AK2: variants seen among roughly 807,000 people sequenced by gnomAD.
AK2 encodes adenylate kinase 2.
Under a neutral mutation model 24.6 loss-of-function variants are expected in AK2, and 15 were observed. That is an observed-to-expected ratio of 0.61 (90% CI 0.41 to 0.94). The LOEUF is 0.94. AK2 is among the 40% of genes least tolerant of loss of function. AK2 has a pLI of 0.00. For missense variants in AK2, 257 were observed against 304.1 expected (o/e 0.85, Z 1.15); for synonymous variants, 102 against 114.0 (o/e 0.90, Z 0.67).
intron 5 of AK2, chr1:33,014,220 A>C (rs1203644227): frequency 1.9e-5 from 7 of 359,628 alleles, no homozygotes; most frequent in African/African-American, 1.5e-4. Context: ...TGATTAGCTG[A>C]TCACTTAGGT....
intron 1 of AK2, 42 bp from the exon 2 acceptor site, chr1:33,024,609 A>G: frequency 6.2e-7 from 1 of 1,613,494 alleles, no homozygotes; most frequent in Non-Finnish European, 8.5e-7. Context: ...ATTACATTAC[A>G]GGCTGTGGAG....
chr1:33,008,722 G>C lies in AK2; in HGVS notation c.*4459C>G, dbSNP rs1638625593. 4.4e-6 allele frequency: 2 copies of C among 454,004 alleles called. No individual in the cohort carries two copies. The highest frequency in any genetic ancestry group is 8.8e-6 in the Non-Finnish European group (2 of 226,802). The allele number at this position is 454,004 out of a possible 1,614,324, so 28.1% of individuals were successfully genotyped here. ...TGAAGGACAGTTCTGACTCCACAGG[G>C]TGCTGTGTGAGGGTTACGTGAAGTC... is the stretch of plus-strand genomic sequence containing the variant. On this transcript the variant is annotated 3_prime_UTR_variant, in exon 6 of 6. Coordinates refer to ENST00000672715, the MANE Select transcript of AK2 (RefSeq NM_001625.4).
intron 1 of AK2, among the ~76,000 whole-genome samples, chr1:33,027,367 C>T (rs1037227370): frequency 6.6e-6 from 1 of 152,108 alleles, no homozygotes; most frequent in African/African-American, 2.4e-5. Flanking sequence ...TTTATCACTC[C>T]CAAACTGCAG....
rs1172268226 is a variant in AK2 at position 33,011,765 on chromosome 1, G to C, written c.*1416C>G. ...AAAGACAGCAGGGACCTTAGAAAAT[G>C]CTCAATAGTTGGGAAGCTAAGGTTA... On this transcript the variant is annotated 3_prime_UTR_variant, in exon 6 of 6. Coordinates refer to ENST00000672715, the MANE Select transcript of AK2 (RefSeq NM_001625.4). The C allele has an allele frequency of 7.1e-7, 1 of 1,410,306 alleles. No individual in the cohort carries two copies. 87.4% of individuals were successfully genotyped at this position (1,410,306 alleles called of 1,614,324 possible).
chr1:33,036,344 T>C (rs1293702501), intron 1 of AK2, among the ~76,000 whole-genome samples: 1 of 152,192 alleles, frequency 6.6e-6, no homozygotes, highest in African/African-American at 2.4e-5. Context: ...ACCCTGATTC[T>C]GGACAATTCA....
Position 33,010,158 on chromosome 1 carries a change from T to G in AK2, c.*3023A>C, listed in dbSNP as rs780064885. 9 of 454,284 alleles carry G rather than the reference T, an allele frequency of 2.0e-5. No individual in the cohort carries two copies. The East Asian group carries it at 6.2e-4, about 32-fold the overall frequency. 28.1% of individuals were successfully genotyped at this position (454,284 alleles called of 1,614,324 possible). A position where few individuals can be genotyped will look rare whatever the true frequency, so the allele number is the denominator to read the frequency against. ...AAGGCAAGAGCATAGGATTGTGGCA[T>G]GTGCTGGGTAGCTGTGAGAGGTTAC... On this transcript the variant is annotated 3_prime_UTR_variant, in exon 6 of 6. Coordinates refer to ENST00000672715, the MANE Select transcript of AK2 (RefSeq NM_001625.4).
chr1:33,008,212 G>A lies in AK2; in HGVS notation c.*4969C>T. 2.2e-6 allele frequency: 1 copy of A among 454,232 alleles called. No homozygotes were observed. Among genetic ancestry groups the A allele is most frequent in the Non-Finnish European group, 4.4e-6 (1 of 226,954 alleles). 28.1% of individuals were successfully genotyped at this position (454,232 alleles called of 1,614,324 possible). Reference sequence around the variant, plus strand: ...CAGTCCAACCCACATGAGTATCTTGGTCACTAGTGTCATCAGCACCTTTGA... The same window carrying A: ...CAGTCCAACCCACATGAGTATCTTGATCACTAGTGTCATCAGCACCTTTGA... On this transcript the variant is annotated 3_prime_UTR_variant, in exon 6 of 6. Transcript: ENST00000672715.
chr1:33,012,674 A>C lies in AK2; in HGVS notation c.*507T>G, dbSNP rs1433842491. The C allele has an allele frequency of 7.9e-7, 1 of 1,260,472 alleles. No homozygotes were observed. Among genetic ancestry groups the C allele is most frequent in the East Asian group, 5.6e-5 (1 of 17,906 alleles). The allele number at this position is 1,260,472 out of a possible 1,614,324, so 78.1% of individuals were successfully genotyped here. Reference sequence around the variant, plus strand: ...CACTTCAGGAGGCCAAGGTGGGTGGATTGCTTAAGCCTAGGAGTTCAAGAC... The same window carrying C: ...CACTTCAGGAGGCCAAGGTGGGTGGCTTGCTTAAGCCTAGGAGTTCAAGAC... On this transcript the variant is annotated 3_prime_UTR_variant, in exon 6 of 6. Coordinates refer to ENST00000672715, the MANE Select transcript of AK2 (RefSeq NM_001625.4).
At chr1:33,033,546 G>C (rs910050084) in intron 1 of AK2, among the ~76,000 whole-genome samples, 1 of 152,112 alleles carries the variant, frequency 6.6e-6, no homozygotes, top group East Asian at 1.9e-4. Context: ...TATCACATTG[G>C]TAACACAAAA....
intron 1 of AK2, among the ~76,000 whole-genome samples, chr1:33,028,320 A>G (rs1640026364): frequency 6.6e-6 from 1 of 152,106 alleles, no homozygotes; most frequent in Admixed American, 6.6e-5. Context: ...CATGACCAAC[A>G]TGGAGAAACC....
At chr1:33,014,877 G>T (rs1639083451) in intron 4 of AK2, among the ~76,000 whole-genome samples, 1 of 152,198 alleles carries the variant, frequency 6.6e-6, no homozygotes, top group South Asian at 2.1e-4. Context: ...TCTGGTGCTG[G>T]TCTCACACAG....
In AK2 at chr1:33,013,164, C is replaced by G; in HGVS notation, c.*17G>C. 1 of 1,614,114 alleles carries G rather than the reference C, an allele frequency of 6.2e-7. No individual in the cohort carries two copies. The highest frequency in any genetic ancestry group is 1.7e-5 in the Admixed American group (1 of 60,030). The stretch of plus-strand genomic sequence containing the variant: ...TGCCTCACAGGGATGGAAAGAAATT[C>G]CTTCTTGGACCCAACATTAGATAAA... On this transcript the variant is annotated 3_prime_UTR_variant, in exon 6 of 6. Coordinates refer to ENST00000672715, the MANE Select transcript of AK2 (RefSeq NM_001625.4).
Position 33,010,813 on chromosome 1 carries a change from G to T in AK2, c.*2368C>A, listed in dbSNP as rs373039705. Reference sequence around the variant, plus strand: ...GGGTGATGAGCAGTGTTGCAGTCTCGCCTGGCCTTCTGATACTAGGCTGAA... The same window carrying T: ...GGGTGATGAGCAGTGTTGCAGTCTCTCCTGGCCTTCTGATACTAGGCTGAA... On this transcript the variant is annotated 3_prime_UTR_variant, in exon 6 of 6. Coordinates refer to ENST00000672715, the MANE Select transcript of AK2 (RefSeq NM_001625.4). 3 of 1,614,128 alleles carry T rather than the reference G, an allele frequency of 1.9e-6. No individual in the cohort carries two copies. The African/African-American group carries it at 4.0e-5, about 22-fold the overall frequency.
chr1:33,020,672 C>T (rs1639483137), intron 4 of AK2, among the ~76,000 whole-genome samples: 1 of 151,480 alleles, frequency 6.6e-6, no homozygotes, highest in Non-Finnish European at 1.5e-5. Flanking sequence ...TGGTGAAGAC[C>T]TGTCTCTACT....
chr1:33,027,671 C>T (rs1001896934), intron 1 of AK2, among the ~76,000 whole-genome samples: 2 of 150,742 alleles, frequency 1.3e-5, no homozygotes, highest in African/African-American at 2.4e-5. Context: ...TGCTTGAACC[C>T]GTGAGGTGGA....
chr1:33,014,640 C>T (rs777771065), intron 4 of AK2, 46 bp from the exon 5 acceptor site: 42 of 1,510,868 alleles, frequency 2.8e-5, no homozygotes, highest in Middle Eastern at 1.7e-4. Flanking sequence ...TGACAGTACG[C>T]GCCTGCACTC....
chr1:33,011,259 C>T lies in AK2; in HGVS notation c.*1922G>A, dbSNP rs770638246. ...ATTCTAAGATTCATGATGCCACTGT[C>T]ACCCAGAGAAGGATCCCAGACCAGG... On this transcript the variant is annotated 3_prime_UTR_variant, in exon 6 of 6. Coordinates refer to ENST00000672715, the MANE Select transcript of AK2 (RefSeq NM_001625.4). 2 of 1,297,916 alleles carry T rather than the reference C, an allele frequency of 1.5e-6. No individual in the cohort carries two copies. Among genetic ancestry groups the T allele is most frequent in the South Asian group, 2.5e-5 (2 of 80,958 alleles). 80.4% of individuals were successfully genotyped at this position (1,297,916 alleles called of 1,614,324 possible). A position where few individuals can be genotyped will look rare whatever the true frequency, so the allele number is the denominator to read the frequency against.
chr1:33,027,110 TCAAA>T (rs895056702), intron 1 of AK2, among the ~76,000 whole-genome samples: 7 of 152,102 alleles, frequency 4.6e-5, no homozygotes, highest in Admixed American at 6.6e-5. Flanking sequence ...AGACTACGTC[TCAAA>T]CAAACAAACA....
At chr1:33,035,859 AT>A (rs1487465585) in intron 1 of AK2, among the ~76,000 whole-genome samples, 2 of 152,146 alleles carry the variant, frequency 1.3e-5, no homozygotes, top group African/African-American at 2.4e-5. Context: ...TAACCTGTTG[AT>A]TGATAAAGTT....
Sources: gnomAD v4.1 joint callset for allele counts (sites outside exome capture counted in the v4.1 genomes callset) on GRCh38, gnomAD v4.1.1 for gene constraint, MANE v1.5 for transcripts, NCBI Gene and HGNC (gene_info 2026-07-23, HGNC 2026-07-21) for gene names.